The following GADL1 variants were observed in gnomAD, a reference collection of about 807,000 sequenced individuals.
The protein encoded by GADL1 is acidic amino acid decarboxylase GADL1.
GADL1 carries 71 observed loss-of-function variants against 69.5 expected under a neutral mutation model. The ratio of observed to expected loss-of-function variants is 1.02; its 90% confidence interval spans 0.84 to 1.25. GADL1 has a LOEUF of 1.25. Ranked by LOEUF, GADL1 falls within the 50% of genes most tolerant of loss-of-function variation. The pLI, the probability that GADL1 is intolerant of heterozygous loss-of-function variation, is 0.00. For synonymous variants in GADL1, 254 were observed against 214.4 expected, an observed-to-expected ratio of 1.18 and a Z score of -1.62; for missense variants, 737 against 631.8, an observed-to-expected ratio of 1.17 and a Z score of -1.79.
chr3:30,779,693 T>C (rs974471723), intron 13 of GADL1, among the ~76,000 whole-genome samples: 1 of 152,228 alleles, frequency 6.6e-6, no homozygotes, highest in Non-Finnish European at 1.5e-5. Flanking sequence ...GAAGTAACTA[T>C]ACCTGACTAG....
intron 14 of GADL1, among the ~76,000 whole-genome samples, chr3:30,764,491 T>C (rs1173592555): frequency 6.6e-6 from 1 of 152,196 alleles, no homozygotes; most frequent in East Asian, 1.9e-4. Context: ...CCAAGTGTAG[T>C]TACATTTTCT....
At chr3:30,790,620 T>C (rs1696893853) in intron 12 of GADL1, among the ~76,000 whole-genome samples, 1 of 152,152 alleles carries the variant, frequency 6.6e-6, no homozygotes, top group Non-Finnish European at 1.5e-5. Context: ...GGTAAGAATA[T>C]GATAGAAAGT....
chr3:30,884,140 G>C (rs1200042550), intron 1 of GADL1, among the ~76,000 whole-genome samples: 7 of 151,810 alleles, frequency 4.6e-5, no homozygotes, highest in Non-Finnish European at 7.4e-5. Context: ...TGGGTGTGAG[G>C]ACAACACTTT....
chr3:30,739,530 G>C (rs902483266), intron 14 of GADL1, among the ~76,000 whole-genome samples: 4 of 152,282 alleles, frequency 2.6e-5, no homozygotes, highest in East Asian at 1.9e-4. Flanking sequence ...TACAAAGTTA[G>C]TTGCACACCA....
At chr3:30,821,682 G>T (rs929586909) in intron 11 of GADL1, among the ~76,000 whole-genome samples, 2 of 151,796 alleles carry the variant, frequency 1.3e-5, no homozygotes, top group Non-Finnish European at 2.9e-5. Flanking sequence ...CCCAGTGGAA[G>T]TTTTTTAAAC....
At chr3:30,848,852 G>C (rs545362617) in intron 6 of GADL1, among the ~76,000 whole-genome samples, 1 of 152,124 alleles carries the variant, frequency 6.6e-6, no homozygotes, top group East Asian at 1.9e-4. Context: ...CAACTACTGC[G>C]TGGTTGCTGG....
intron 2 of GADL1, 101 bp downstream of exon 2, chr3:30,861,492 T>C: frequency 2.5e-6 from 2 of 794,610 alleles, no homozygotes; most frequent in East Asian, 2.7e-5. Context: ...ATAGAAGAAA[T>C]AAAAACTTGG....
chr3:30,786,380 CTT>C lies in GADL1; in HGVS notation c.1275_1276del (p.Glu427ArgfsTer9). ...TTCCATCAGTAACTTGAATCCTTCT[CTT>C]TTCTTGATTTCATCTACTAGGTACC... On this transcript the variant is annotated frameshift_variant, in exon 13 of 15. Coordinates refer to ENST00000282538, the MANE Select transcript of GADL1 (RefSeq NM_207359.3). LOFTEE classifies it high-confidence loss of function. The C allele has an allele frequency of 3.2e-6, 5 of 1,553,554 alleles. No homozygotes were observed. Among genetic ancestry groups the C allele is most frequent in the East Asian group, 2.3e-5 (1 of 44,300 alleles).
chr3:30,777,497 C>T (rs1696564203), intron 14 of GADL1, among the ~76,000 whole-genome samples: 1 of 152,172 alleles, frequency 6.6e-6, no homozygotes, highest in Admixed American at 6.5e-5. Context: ...AAAGTGGGAT[C>T]AAGTAGTGTT....
chr3:30,777,593 G>A (rs1441371146), intron 14 of GADL1, among the ~76,000 whole-genome samples: 1 of 152,202 alleles, frequency 6.6e-6, no homozygotes, highest in African/African-American at 2.4e-5. Flanking sequence ...GAGTAGATGA[G>A]ACACAAGCAG....
intron 1 of GADL1, among the ~76,000 whole-genome samples, chr3:30,864,188 A>T (rs1248297853): frequency 1.3e-5 from 2 of 152,042 alleles, no homozygotes; most frequent in Non-Finnish European, 2.9e-5. Flanking sequence ...GAGAGCAATT[A>T]TTCCAGGAAC....
At chr3:30,818,309 G>A (rs946305774) in intron 11 of GADL1, among the ~76,000 whole-genome samples, 2 of 152,148 alleles carry the variant, frequency 1.3e-5, no homozygotes, top group African/African-American at 2.4e-5. Context: ...AAATATAATT[G>A]TTAGAAGTTT....
chr3:30,728,274 C>G lies in GADL1; in HGVS notation c.1534G>C (p.Asp512His). Residue 512 changes from aspartate (D) to histidine (H), a missense_variant, in exon 15 of 15, where the codon GAT becomes CAT. Coordinates refer to ENST00000282538, the MANE Select transcript of GADL1 (RefSeq NM_207359.3). ...TCTTTACCCAGTAAGTCTATCTCAT[C>G]CAGGAGGAAGTCCATGTCCTCCCGG... is the stretch of plus-strand genomic sequence containing the variant. ...VSREDMDFLL[D>H]EIDLLGKDM 1 of 1,613,790 alleles carries G rather than the reference C, an allele frequency of 6.2e-7. No homozygotes were observed. The highest frequency in any genetic ancestry group is 8.5e-7 in the Non-Finnish European group (1 of 1,179,774).
intron 8 of GADL1, among the ~76,000 whole-genome samples, chr3:30,842,426 G>T (rs1208934180): frequency 1.3e-5 from 2 of 152,048 alleles, no homozygotes; most frequent in Admixed American, 6.6e-5. Flanking sequence ...GCTGATTACA[G>T]AATGGGTATA....
At chr3:30,730,601 A>G (rs931947592) in intron 14 of GADL1, among the ~76,000 whole-genome samples, 2 of 152,164 alleles carry the variant, frequency 1.3e-5, no homozygotes, top group African/African-American at 2.4e-5. Context: ...TGTTTATAAA[A>G]AGCATTTGGA....
chr3:30,828,479 T>TG (rs11373623), intron 11 of GADL1, among the ~76,000 whole-genome samples: 73,720 of 132,680 alleles, frequency 0.56, 21,088 homozygotes, highest in Middle Eastern at 0.67. Context: ...AAAATAAAAG[T>TG]GGGGGGGGTG....
intron 14 of GADL1, among the ~76,000 whole-genome samples, chr3:30,737,236 T>C (rs1695552637): frequency 6.6e-6 from 1 of 152,040 alleles, no homozygotes; most frequent in Non-Finnish European, 1.5e-5. Flanking sequence ...ACTTAGGACT[T>C]TGGGAGAGGC....
At chr3:30,882,358 C>G (rs1348819357) in intron 1 of GADL1, among the ~76,000 whole-genome samples, 1 of 151,852 alleles carries the variant, frequency 6.6e-6, no homozygotes, top group Non-Finnish European at 1.5e-5. Flanking sequence ...TCGCAATCCA[C>G]TGGAAATCAC....
chr3:30,831,882 C>T (rs1241779706), intron 11 of GADL1, among the ~76,000 whole-genome samples: 1 of 151,854 alleles, frequency 6.6e-6, no homozygotes, highest in Non-Finnish European at 1.5e-5. Flanking sequence ...TTTGTTAGTG[C>T]ACTTATCAAA....
Sources: gnomAD v4.1 joint callset for allele counts (sites outside exome capture counted in the v4.1 genomes callset) on GRCh38, gnomAD v4.1.1 for gene constraint, MANE v1.5 for transcripts, NCBI Gene and HGNC (gene_info 2026-07-23, HGNC 2026-07-21) for gene names.